The following FNIP2 variants were observed in gnomAD, a reference collection of about 807,000 sequenced individuals.
The protein encoded by FNIP2 is folliculin-interacting protein 2.
In FNIP2, 32 loss-of-function variants were observed where a neutral mutation model predicts 108.7. That is an observed-to-expected ratio of 0.29 (90% CI 0.22 to 0.40). The LOEUF (loss-of-function observed/expected upper bound fraction) is 0.40, where lower values mean the gene tolerates loss of function less well. Ranked by LOEUF, FNIP2 falls within the 10% of genes least tolerant of loss-of-function variation. The pLI is 1.00. For synonymous variants in FNIP2, 480 were observed against 496.7 expected (o/e 0.97, Z 0.45); for missense variants, 1,202 against 1,381.6 (o/e 0.87, Z 2.06).
Position 158,769,301 on chromosome 4 carries a change from A to G in FNIP2, c.89A>G (p.Lys30Arg). The G allele has an allele frequency of 6.6e-7, 1 of 1,520,570 alleles. No individual in the cohort carries two copies. Among genetic ancestry groups the G allele is most frequent in the African/African-American group, 1.4e-5 (1 of 70,972 alleles). The allele number at this position is 1,520,570 out of a possible 1,614,324, so 94.2% of individuals were successfully genotyped here. The change falls in exon 1 of 17, where the codon AAG becomes AGG. Residue 30 changes from lysine (K) to arginine (R), a missense_variant. Lys to Arg is a conservative substitution (Grantham distance 26). Coordinates refer to ENST00000264433, the MANE Select transcript of FNIP2 (RefSeq NM_020840.3). ...GCGTCTGCCCAGGGCAGGGCTCCTAAGGAAGGACCCGCCTTTAGGTGAGGG... is the reference window on the plus strand; with the variant it reads ...GCGTCTGCCCAGGGCAGGGCTCCTAGGGAAGGACCCGCCTTTAGGTGAGGG... ...AAASAQGRAP[K>R]EGPAFSWSCS...
rs1420691801 is a variant in FNIP2, at chr4:158,906,293, A to G, written c.*1749A>G. The G allele has an allele frequency of 2.0e-5, 3 of 152,224 alleles. No homozygotes were observed. Among genetic ancestry groups the G allele is most frequent in the African/African-American group, 4.8e-5 (2 of 41,456 alleles). The allele number at this position is 152,224 out of a possible 1,614,324, so 9.4% of individuals were successfully genotyped here. ...TCTCATTACGTGTAAATAAACTGTC[A>G]GAGCTGATGTTACAGCTTTTACAGT... On this transcript the variant is annotated 3_prime_UTR_variant, in exon 17 of 17. Coordinates refer to ENST00000264433, the MANE Select transcript of FNIP2 (RefSeq NM_020840.3).
At chr4:158,779,747 T>TG (rs1775977386) in intron 1 of FNIP2, among the ~76,000 whole-genome samples, 2 of 150,970 alleles carry the variant, frequency 1.3e-5, no homozygotes, top group South Asian at 4.2e-4. Flanking sequence ...CTTTTTTTTT[T>TG]TTTTTTGTAG....
At chr4:158,882,416 A>T (rs1332609024) in intron 14 of FNIP2, among the ~76,000 whole-genome samples, 2 of 148,808 alleles carry the variant, frequency 1.3e-5, no homozygotes, top group East Asian at 4.1e-4. Flanking sequence ...CCCGTCCGGG[A>T]GGTGGGGGGT....
chr4:158,848,241 C>T (rs1338528206), intron 7 of FNIP2, among the ~76,000 whole-genome samples: 3 of 152,316 alleles, frequency 2.0e-5, no homozygotes, highest in African/African-American at 7.2e-5. Context: ...GTGGTGGTCA[C>T]AGGGATGTTT....
intron 1 of FNIP2, among the ~76,000 whole-genome samples, chr4:158,812,187 CT>C (rs1183421189): frequency 1.3e-5 from 2 of 152,148 alleles, no homozygotes; most frequent in African/African-American, 2.4e-5. Flanking sequence ...ATTCTCATTT[CT>C]TTCTATTTAA....
intron 12 of FNIP2, among the ~76,000 whole-genome samples, chr4:158,863,875 AC>A (rs1221104362): frequency 6.6e-6 from 1 of 152,228 alleles, no homozygotes; most frequent in Admixed American, 6.5e-5. Flanking sequence ...GAGCTTTTCT[AC>A]CCAAAAGAGA....
At position 158,906,200 on chromosome 4, in the gene FNIP2, ATTGTTTGCTG is replaced by A. The variant is rs764690727; in HGVS notation, c.*1661_*1670del. 1.7e-4 allele frequency: 26 copies of A among 152,164 alleles called. No individual in the cohort carries two copies. The highest frequency in any genetic ancestry group is 3.1e-4 in the Non-Finnish European group (21 of 68,004). The allele number at this position is 152,164 out of a possible 1,614,324, so 9.4% of individuals were successfully genotyped here. On this transcript the variant is annotated 3_prime_UTR_variant, in exon 17 of 17. Transcript: ENST00000264433. The stretch of plus-strand genomic sequence containing the variant: ...TTAAGTTCTGTAGTTCCATGACATC[ATTGTTTGCTG>A]TTGTGTTACAGAGAGAGAAGGAACC...
At chr4:158,902,554 G>A (rs1310032917) in intron 16 of FNIP2, among the ~76,000 whole-genome samples, 1 of 151,866 alleles carries the variant, frequency 6.6e-6, no homozygotes, top group Non-Finnish European at 1.5e-5. Flanking sequence ...ATCAGGCAGG[G>A]ATGTTTAAGT....
chr4:158,882,909 T>G (rs1781767921), intron 14 of FNIP2, among the ~76,000 whole-genome samples: 1 of 152,134 alleles, frequency 6.6e-6, no homozygotes, highest in Non-Finnish European at 1.5e-5. Context: ...CTTTGTTCAC[T>G]TGTTTATCTG....
At position 158,829,138 on chromosome 4, in the gene FNIP2, C is replaced by CAGCAGCAGT; in HGVS notation, c.303_311dup (p.Ser103_Ser105dup). 6.2e-7 allele frequency: 1 copy of CAGCAGCAGT among 1,612,840 alleles called. No individual in the cohort carries two copies. On this transcript the variant is annotated inframe_insertion, in exon 3 of 17. Transcript: ENST00000264433. ...AGTGCTGCCAGGGAAGCAGCAGTGTCAGCAGCAGTAGCAGCAGCAGCATCT... is the reference window on the plus strand; with the variant it reads ...AGTGCTGCCAGGGAAGCAGCAGTGTCAGCAGCAGTAGCAGCAGTAGCAGCAGCAGCATCT...
chr4:158,844,592 A>T (rs868178116), intron 7 of FNIP2, among the ~76,000 whole-genome samples: 1 of 152,212 alleles, frequency 6.6e-6, no homozygotes, highest in Non-Finnish European at 1.5e-5. Context: ...TATTTATTCC[A>T]TGAGTGTAAG....
chr4:158,834,441 T>C (rs1288830970), intron 6 of FNIP2: 2 of 152,166 alleles, frequency 1.3e-5, no homozygotes, highest in African/African-American at 4.8e-5. Context: ...GGAACCTCCA[T>C]TACTAACATT....
chr4:158,889,014 A>AC (rs1782156721), intron 14 of FNIP2, among the ~76,000 whole-genome samples: 1 of 151,852 alleles, frequency 6.6e-6, no homozygotes, highest in Admixed American at 6.6e-5. Context: ...ACATAGCAAG[A>AC]CCCCATCTCT....
rs1780176702 is a variant in FNIP2 at position 158,859,717 on chromosome 4, A to G, written c.1148+51A>G. 4 of 1,426,344 alleles carry G rather than the reference A, an allele frequency of 2.8e-6. No individual in the cohort carries two copies. The African/African-American group carries it at 4.2e-5, about 15-fold the overall frequency. The allele number at this position is 1,426,344 out of a possible 1,614,324, so 88.4% of individuals were successfully genotyped here. On this transcript the variant is annotated intron_variant, in intron 10 of 16. Transcript: ENST00000264433. ...CAACAGGAGATGTTTATGAGCAGCC[A>G]TGGATAAAGATAAACTGTGACTTGG...
At chr4:158,872,803 T>C in intron 14 of FNIP2, 4 of 947,982 alleles carry the variant, frequency 4.2e-6, no homozygotes, top group Non-Finnish European at 5.0e-6. Context: ...TTGAAAAATA[T>C]TTTAGGAGTA....
Position 158,904,775 on chromosome 4 carries a change from C to A in FNIP2, c.*231C>A. 2.0e-6 allele frequency: 1 copy of A among 495,354 alleles called. No homozygotes were observed. Among genetic ancestry groups the A allele is most frequent in the Non-Finnish European group, 3.6e-6 (1 of 274,350 alleles). 30.7% of individuals were successfully genotyped at this position (495,354 alleles called of 1,614,324 possible). A position where few individuals can be genotyped will look rare whatever the true frequency, so the allele number is the denominator to read the frequency against. On this transcript the variant is annotated 3_prime_UTR_variant, in exon 17 of 17. Transcript: ENST00000264433. ...GTGAACACTTTAGGCCATTTGTTACCCATGAATCAACAAAGAAACTGACCT... is the reference window on the plus strand; with the variant it reads ...GTGAACACTTTAGGCCATTTGTTACACATGAATCAACAAAGAAACTGACCT...
At chr4:158,875,159 C>G (rs13143943) in intron 14 of FNIP2, among the ~76,000 whole-genome samples, 44,000 of 151,486 alleles carry the variant, frequency 0.29, 7,139 homozygotes, top group Non-Finnish European at 0.38. Flanking sequence ...CCTAACTAGT[C>G]AATGGCCTTG....
intron 1 of FNIP2, among the ~76,000 whole-genome samples, chr4:158,808,871 A>G (rs1336096248): frequency 6.6e-6 from 1 of 152,180 alleles, no homozygotes; most frequent in African/African-American, 2.4e-5. Context: ...TTCCACAATT[A>G]CAGTAGAATC....
chr4:158,886,069 A>G lies in FNIP2; in HGVS notation c.2950-5377A>G, dbSNP rs115824903. 3.5e-3 allele frequency among the ~76,000 whole-genome samples: 530 copies of G among 152,340 alleles called. 1 individual carries two copies. Among genetic ancestry groups the G allele is most frequent in the Non-Finnish European group, 5.0e-3 (341 of 68,026 alleles). ...AATGGACCCATCCTTAGAGGCTACA[A>G]ATTAACCAGGCTGATCCTGTTGATT... On this transcript the variant is annotated intron_variant, in intron 14 of 16. Transcript: ENST00000264433.
Sources: allele counts gnomAD v4.1 joint callset (sites outside exome capture counted in the v4.1 genomes callset), GRCh38; gene constraint gnomAD v4.1.1; transcripts MANE v1.5; gene names NCBI Gene and HGNC (gene_info 2026-07-23, HGNC 2026-07-21).